Variants in FRMPD4 observed in about 807,000 individuals in gnomAD.
FRMPD4 encodes the protein FERM and PDZ domain-containing protein 4.
A neutral mutation model predicts 94.1 loss-of-function variants in FRMPD4; 22 were observed. That is an observed-to-expected ratio of 0.23 (90% CI 0.17 to 0.33). The LOEUF is 0.33. FRMPD4 is among the 10% of genes least tolerant of loss of function. The pLI is 1.00. For synonymous variants in FRMPD4, 631 were observed against 548.6 expected, an observed-to-expected ratio of 1.15 and a Z score of -2.10; for missense variants, 1,111 against 1,339.9, an observed-to-expected ratio of 0.83 and a Z score of 2.67.
At chrX:12,296,784 A>G (rs973782492) in intron 1 of FRMPD4, among the ~76,000 whole-genome samples, 5 of 112,227 alleles carry the variant, frequency 4.5e-5, no homozygotes, top group Non-Finnish European at 9.4e-5. Context: ...CAAAACCCTA[A>G]TGAGGTATAG....
At chrX:12,664,217 T>C (rs2059750214) in intron 4 of FRMPD4, among the ~76,000 whole-genome samples, 1 of 112,430 alleles carries the variant, frequency 8.9e-6, no homozygotes, top group South Asian at 3.7e-4. Context: ...CTGATTGCCC[T>C]GGCCCAGAAC....
intron 3 of FRMPD4, among the ~76,000 whole-genome samples, chrX:11,926,402 A>G (rs1414889990): frequency 1.8e-5 from 2 of 111,011 alleles, no homozygotes; most frequent in African/African-American, 6.6e-5. Context: ...CTAATTCATT[A>G]TATGAGGCCA....
At position 12,678,633 on chromosome X, in the gene FRMPD4, C is replaced by G. The variant is rs183203988; in HGVS notation, c.468+3725C>G. On this transcript the variant is annotated intron_variant, in intron 5 of 16. Coordinates refer to ENST00000675598, the MANE Select transcript of FRMPD4 (RefSeq NM_001368397.1). ...CTGAGGTCGGGAGTTCGAGACCAGC[C>G]TGATCAACATGGAGAAACCCCGTCT... Among the ~76,000 whole-genome samples the G allele has an allele frequency of 5.6e-3, 621 of 111,846 alleles. 7 individuals are homozygous for G. The highest frequency in any genetic ancestry group is 0.019 in the African/African-American group (588 of 30,752).
intron 3 of FRMPD4, among the ~76,000 whole-genome samples, chrX:12,612,232 T>G (rs1252763154): frequency 9.0e-6 from 1 of 111,642 alleles, no homozygotes; most frequent in Non-Finnish European, 1.9e-5. Flanking sequence ...ATTCAAGTCT[T>G]ATTTTTTATT....
intron 3 of FRMPD4, among the ~76,000 whole-genome samples, chrX:12,104,835 TGAAGACAACACCGAGTAA>T (rs905978587): frequency 1.8e-5 from 1 of 56,460 alleles, no homozygotes; most frequent in African/African-American, 4.2e-5. Context: ...AATTATTTGT[TGAAGACAACACCGAGTAA>T]GTGGCAGACC....
At chrX:12,215,011 G>A (rs1053725957) in intron 1 of FRMPD4, among the ~76,000 whole-genome samples, 3 of 110,697 alleles carry the variant, frequency 2.7e-5, no homozygotes, top group South Asian at 3.9e-4. Context: ...ATATGTGTGC[G>A]TGTATATATG....
In FRMPD4 at chrX:12,716,839, A is replaced by G. The variant is rs1391044188; in HGVS notation, c.2380A>G (p.Asn794Asp). The G allele has an allele frequency of 8.3e-7, 1 of 1,211,807 alleles. No homozygotes were observed. Residue 794 changes from asparagine to aspartate, a missense_variant, in exon 15 of 17, where the codon AAT becomes GAT. This residue lies in a region of FRMPD4 where 74 missense variants were observed against 93.9 expected (regional missense o/e 0.79). Coordinates refer to ENST00000675598, the MANE Select transcript of FRMPD4 (RefSeq NM_001368397.1). ...CCTGCCCCCTCCAGAAGGTGATGAC[A>G]ATGAGGATGACTTCCTGTTGCGTTC... The part of the protein sequence containing the change: ...TSLPPPEGDD[N>D]EDDFLLRSLN...
chrX:12,477,508 C>G (rs1305905105), intron 1 of FRMPD4, among the ~76,000 whole-genome samples: 1 of 112,460 alleles, frequency 8.9e-6, no homozygotes, highest in Non-Finnish European at 1.9e-5. Flanking sequence ...GTGAAAGCCT[C>G]TCTATGCTGG....
chrX:12,594,069 T>A (rs2059006632), intron 2 of FRMPD4, among the ~76,000 whole-genome samples: 1 of 111,911 alleles, frequency 8.9e-6, no homozygotes, highest in Non-Finnish European at 1.9e-5. Flanking sequence ...CTTTTCTTTT[T>A]GAATTCTACA....
Position 12,643,947 on chromosome X carries a change from T to C in FRMPD4, c.422+29066T>C, listed in dbSNP as rs1344131764. On this transcript the variant is annotated intron_variant, in intron 4 of 16. Transcript: ENST00000675598. ...CACTGCCAATAAGACCACAAAGAAATGGTCAAAGTGATCTGTTTTAGGTAG... is the reference window on the plus strand; with the variant it reads ...CACTGCCAATAAGACCACAAAGAAACGGTCAAAGTGATCTGTTTTAGGTAG... 7.1e-5 allele frequency among the ~76,000 whole-genome samples: 8 copies of C among 112,535 alleles called. No homozygotes were observed. In the South Asian group the frequency reaches 1.1e-3, roughly 16 times the overall value.
chrX:12,193,605 T>C (rs1240528374), intron 1 of FRMPD4, among the ~76,000 whole-genome samples: 2 of 104,743 alleles, frequency 1.9e-5, no homozygotes, highest in African/African-American at 7.0e-5. Flanking sequence ...AGTTGGCAAG[T>C]GTTATAATGA....
chrX:12,706,979 T>C, intron 12 of FRMPD4, 64 bp downstream of exon 12: 2 of 581,060 alleles, frequency 3.4e-6, no homozygotes, highest in Non-Finnish European at 5.6e-6. Context: ...ATTCCGCCTC[T>C]GATGACAAAA....
At chrX:12,706,769 C>A in intron 11 of FRMPD4, 57 bp from the exon 12 acceptor site, 2 of 611,930 alleles carry the variant, frequency 3.3e-6, no homozygotes, top group African/African-American at 2.2e-5. Context: ...TAGTCTCCAG[C>A]TGAAATGGAG....
intron 1 of FRMPD4, among the ~76,000 whole-genome samples, chrX:12,292,370 CTATT>C (rs2054703344): frequency 9.0e-6 from 1 of 111,010 alleles, no homozygotes; most frequent in South Asian, 3.8e-4. Context: ...TAAGTATTAT[CTATT>C]ATTGTTTTTG....
At chrX:12,347,587 T>C (rs5935306) in intron 1 of FRMPD4, among the ~76,000 whole-genome samples, 16,284 of 111,322 alleles carry the variant, frequency 0.15, 1,055 homozygotes, top group Non-Finnish European at 0.2. Context: ...CACCCCAGAA[T>C]TAGTTTAATT....
upstream of FRMPD4, among the ~76,000 whole-genome samples, chrX:12,136,611 G>A (rs2055599202): frequency 9.0e-6 from 1 of 110,877 alleles, no homozygotes. Flanking sequence ...AAGGTGGGAA[G>A]ATTACCTGTA....
intron 10 of FRMPD4, among the ~76,000 whole-genome samples, chrX:12,703,779 G>C (rs1265554589): frequency 1.8e-5 from 2 of 111,955 alleles, no homozygotes; most frequent in Non-Finnish European, 3.8e-5. Context: ...GCACACTTAA[G>C]AGTCATGAAT....
At chrX:12,540,616 C>G (rs1297005055) in intron 2 of FRMPD4, among the ~76,000 whole-genome samples, 1 of 111,671 alleles carries the variant, frequency 9.0e-6, no homozygotes, top group Non-Finnish European at 1.9e-5. Flanking sequence ...TACAAAGAGA[C>G]TTAGACTCCC....
At chrX:12,418,377 G>GAGAT (rs1377492696) in intron 1 of FRMPD4, among the ~76,000 whole-genome samples, 14 of 38,810 alleles carry the variant, frequency 3.6e-4, no homozygotes, top group Non-Finnish European at 5.8e-4. Context: ...TTCTTTTTTT[G>GAGAT]AGATAGAGTC....
Sources: gnomAD v4.1 joint callset for allele counts (sites outside exome capture counted in the v4.1 genomes callset) on GRCh38, gnomAD v4.1.1 for gene constraint, gnomAD v4.1.1 regional missense constraint, MANE v1.5 for transcripts, NCBI Gene and HGNC (gene_info 2026-07-23, HGNC 2026-07-21) for gene names.